The following RIMS2 variants were observed in gnomAD, a reference collection of about 807,000 sequenced individuals.
The protein encoded by RIMS2 is regulating synaptic membrane exocytosis protein 2.
Under a neutral mutation model 174.4 loss-of-function variants are expected in RIMS2, and 59 were observed. That is an observed-to-expected ratio of 0.34 (90% CI 0.27 to 0.42). The LOEUF is 0.42. Among genes scored for constraint, RIMS2 ranks in the 10% least tolerant of loss-of-function variants. The pLI, the probability that RIMS2 is intolerant of heterozygous loss-of-function variation, is 1.00. For missense variants in RIMS2, 1,620 were observed against 1,666.3 expected, an observed-to-expected ratio of 0.97 and a Z score of 0.48; for synonymous variants, 606 against 572.5, an observed-to-expected ratio of 1.06 and a Z score of -0.84.
intron 19 of RIMS2, among the ~76,000 whole-genome samples, chr8:104,138,017 T>C (rs1055815183): frequency 3.3e-5 from 5 of 152,156 alleles, no homozygotes; most frequent in African/African-American, 1.2e-4. Flanking sequence ...AATTTTTAGC[T>C]CCTGCAAATA....
intron 3 of RIMS2, among the ~76,000 whole-genome samples, chr8:103,835,361 AAAGTGC>A (rs755270141): frequency 9.9e-5 from 15 of 151,914 alleles, no homozygotes; most frequent in Admixed American, 2.6e-4. Flanking sequence ...TCAGCCTCCC[AAAGTGC>A]CGGGATTACA....
intron 3 of RIMS2, among the ~76,000 whole-genome samples, chr8:103,832,548 C>A (rs1234620500): frequency 6.6e-6 from 1 of 152,156 alleles, no homozygotes; most frequent in African/African-American, 2.4e-5. Context: ...ACCCTCCACC[C>A]TCCAAAAGGC....
At chr8:103,519,200 A>G (rs1830462966) in intron 1 of RIMS2, among the ~76,000 whole-genome samples, 1 of 152,156 alleles carries the variant, frequency 6.6e-6, no homozygotes, top group African/African-American at 2.4e-5. Flanking sequence ...TATATACTAT[A>G]TATCCTGAAA....
At chr8:104,214,474 G>A (rs947922705) in intron 19 of RIMS2, among the ~76,000 whole-genome samples, 7 of 151,878 alleles carry the variant, frequency 4.6e-5, no homozygotes, top group Admixed American at 1.3e-4. Context: ...TTGAGACAGA[G>A]CCTCACTCTG....
chr8:103,554,912 A>G (rs796462565), intron 1 of RIMS2, among the ~76,000 whole-genome samples: 1 of 152,316 alleles, frequency 6.6e-6, no homozygotes, highest in African/African-American at 2.4e-5. Flanking sequence ...CCATAATCCC[A>G]AGTGAACTAA....
At chr8:103,668,628 C>T (rs1392998147) in intron 1 of RIMS2, among the ~76,000 whole-genome samples, 2 of 151,550 alleles carry the variant, frequency 1.3e-5, no homozygotes, top group East Asian at 3.9e-4. Flanking sequence ...TTTATCTCCT[C>T]CATGGTGAGT....
At chr8:103,951,379 C>T (rs556161648) in intron 14 of RIMS2, among the ~76,000 whole-genome samples, 52 of 152,278 alleles carry the variant, frequency 3.4e-4, no homozygotes, top group African/African-American at 1.1e-3. Flanking sequence ...ACGCAGAAGG[C>T]GGGTGATTTC....
At chr8:104,084,213 G>T (rs1226888526) in intron 19 of RIMS2, among the ~76,000 whole-genome samples, 1 of 151,948 alleles carries the variant, frequency 6.6e-6, no homozygotes, top group South Asian at 2.1e-4. Context: ...GGCCGAGGCG[G>T]GTGGATCACT....
rs532116618 is a variant in RIMS2, at chr8:103,769,691, C to T, written c.698+3154C>T. Among the ~76,000 whole-genome samples, 3 of 152,300 alleles carry T rather than the reference C, an allele frequency of 2.0e-5. No homozygotes were observed. In the South Asian group the frequency reaches 6.2e-4, roughly 32 times the overall value. ...ATAAAAATCTTATATTCTTTAATGC[C>T]TCTTTCACTCACAAGTACTGGCCTG... On this transcript the variant is annotated intron_variant, in intron 3 of 23. Transcript: ENST00000504942.
At chr8:104,182,996 G>C (rs1457116804) in intron 19 of RIMS2, among the ~76,000 whole-genome samples, 1 of 151,490 alleles carries the variant, frequency 6.6e-6, no homozygotes, top group Non-Finnish European at 1.5e-5. Flanking sequence ...TTGAGATTTA[G>C]GGGAAAAAAA....
At chr8:103,528,888 TC>T (rs1203828600) in intron 1 of RIMS2, among the ~76,000 whole-genome samples, 1 of 152,170 alleles carries the variant, frequency 6.6e-6, no homozygotes, top group Admixed American at 6.5e-5. Context: ...CTGTTTTGGT[TC>T]CATATGATCT....
At chr8:103,936,601 A>G in exon 13 of RIMS2, 3 of 1,606,970 alleles carry the variant, frequency 1.9e-6, no homozygotes, top group African/African-American at 1.3e-5. Context: ...TTGGAACCCA[A>G]ATGGAACCAA....
At chr8:104,005,846 C>T (rs1320103583) in intron 17 of RIMS2, among the ~76,000 whole-genome samples, 1 of 151,862 alleles carries the variant, frequency 6.6e-6, no homozygotes, top group Non-Finnish European at 1.5e-5. Context: ...AACTAGAACC[C>T]TGGTTAAAGA....
intron 14 of RIMS2, among the ~76,000 whole-genome samples, chr8:103,944,227 A>G (rs985189964): frequency 6.6e-6 from 1 of 152,010 alleles, no homozygotes; most frequent in Non-Finnish European, 1.5e-5. Flanking sequence ...ACACCCATAC[A>G]CTTCTATTTT....
chr8:103,684,105 T>G (rs2136819556), intron 1 of RIMS2, among the ~76,000 whole-genome samples: 1 of 152,280 alleles, frequency 6.6e-6, no homozygotes, highest in South Asian at 2.1e-4. Flanking sequence ...ACAGTAAAAT[T>G]TACCTCTTTT....
At chr8:103,677,084 T>C (rs2096824276) in intron 1 of RIMS2, among the ~76,000 whole-genome samples, 1 of 152,314 alleles carries the variant, frequency 6.6e-6, no homozygotes, top group Non-Finnish European at 1.5e-5. Flanking sequence ...TTTCTCCAAG[T>C]GTTTGATGCT....
At chr8:103,712,536 G>T (rs954829354) in intron 2 of RIMS2, among the ~76,000 whole-genome samples, 1 of 152,058 alleles carries the variant, frequency 6.6e-6, no homozygotes, top group African/African-American at 2.4e-5. Context: ...CAGTAGTTAA[G>T]CTCCTTATCA....
chr8:103,774,255 A>G (rs2098286233), intron 3 of RIMS2, among the ~76,000 whole-genome samples: 1 of 152,248 alleles, frequency 6.6e-6, no homozygotes, highest in African/African-American at 2.4e-5. Flanking sequence ...TAAACATTAG[A>G]AAAGTGTTTG....
chr8:103,658,353 A>G (rs1323996908), intron 1 of RIMS2, among the ~76,000 whole-genome samples: 1 of 152,254 alleles, frequency 6.6e-6, no homozygotes, highest in African/African-American at 2.4e-5. Context: ...ATGTATACAC[A>G]TATTCTGAGA....
Sources: allele counts gnomAD v4.1 joint callset (sites outside exome capture counted in the v4.1 genomes callset), GRCh38; gene constraint gnomAD v4.1.1; transcripts MANE v1.5; gene names NCBI Gene and HGNC (gene_info 2026-07-23, HGNC 2026-07-21).